KIF5C: variants seen among roughly 807,000 people sequenced by gnomAD.
KIF5C encodes the protein kinesin family member 5C, also known as kinesin heavy chain isoform 5C.
In KIF5C, 18 loss-of-function variants were observed where a neutral mutation model predicts 125.2. The ratio of observed to expected loss-of-function variants is 0.14; its 90% confidence interval spans 0.10 to 0.21. The LOEUF is 0.21. Ranked by LOEUF, KIF5C falls within the 10% of genes least tolerant of loss-of-function variation. The pLI is 1.00. For synonymous variants in KIF5C, 405 were observed against 434.0 expected, an observed-to-expected ratio of 0.93 and a Z score of 0.83; for missense variants, 780 against 1,183.8, an observed-to-expected ratio of 0.66 and a Z score of 5.01.
At chr2:148,907,192 C>A (rs1331954186) in intron 1 of KIF5C, among the ~76,000 whole-genome samples, 1 of 151,112 alleles carries the variant, frequency 6.6e-6, no homozygotes, top group African/African-American at 2.4e-5. Flanking sequence ...TCCTGTGAAG[C>A]TTCTTTAATT....
At chr2:148,969,422 A>AGTGTGT (rs151238332) in intron 11 of KIF5C, among the ~76,000 whole-genome samples, 18,323 of 141,178 alleles carry the variant, frequency 0.13, 1,300 homozygotes, top group Middle Eastern at 0.19. Context: ...GAAGGTTTCC[A>AGTGTGT]GTGTGTGTGT....
At chr2:148,990,913 C>T in intron 15 of KIF5C, 97 bp from the exon 16 acceptor site, 1 of 1,460,406 alleles carries the variant, frequency 6.8e-7, no homozygotes. Flanking sequence ...ACCAGAAATC[C>T]ATGGACACCT....
rs1220204237 is a variant in KIF5C, at chr2:149,000,481, A to G, written c.2269A>G (p.Lys757Glu). ...EKLSSDYNKL[K>E]IEDQEREMKL... ...GCTTAGTTCTGATTATAACAAGCTGAAAATAGAGGACCAAGAGAGAGAAAT... is the reference window on the plus strand; with the variant it reads ...GCTTAGTTCTGATTATAACAAGCTGGAAATAGAGGACCAAGAGAGAGAAAT... The change falls in exon 20 of 26, where the codon AAA becomes GAA. Residue 757 changes from lysine (K) to glutamate (E), a missense_variant. Around this residue, in one of 2 missense-constraint regions of KIF5C, gnomAD observed 573 missense variants for 742.6 expected, o/e 0.77. Transcript: ENST00000435030. 6.3e-7 allele frequency: 1 copy of G among 1,581,768 alleles called. No homozygotes were observed. Among genetic ancestry groups the G allele is most frequent in the Non-Finnish European group, 8.6e-7 (1 of 1,157,302 alleles).
intron 15 of KIF5C, among the ~76,000 whole-genome samples, chr2:148,986,732 A>G (rs903796178): frequency 6.6e-5 from 10 of 152,136 alleles, no homozygotes; most frequent in Non-Finnish European, 1.2e-4. Context: ...GGGATGGGGG[A>G]AAAATATGAC....
intron 1 of KIF5C, among the ~76,000 whole-genome samples, chr2:148,918,519 A>G (rs1443255910): frequency 6.6e-6 from 1 of 152,210 alleles, no homozygotes; most frequent in African/African-American, 2.4e-5. Context: ...GACCATGAAA[A>G]CTTTCAGGGA....
intron 1 of KIF5C, among the ~76,000 whole-genome samples, chr2:148,911,108 C>CA (rs1487258646): frequency 7.2e-5 from 11 of 152,112 alleles, no homozygotes; most frequent in Admixed American, 6.5e-4. Flanking sequence ...GTTTGGGACT[C>CA]AGAGTTCAGG....
At chr2:149,016,387 A>G (rs1257713002) in intron 25 of KIF5C, among the ~76,000 whole-genome samples, 2 of 152,120 alleles carry the variant, frequency 1.3e-5, no homozygotes, top group East Asian at 3.9e-4. Context: ...GTAGGTGGCC[A>G]TGGGGGAGGG....
intron 1 of KIF5C, among the ~76,000 whole-genome samples, chr2:148,913,608 A>G (rs772766638): frequency 6.6e-6 from 1 of 152,194 alleles, no homozygotes; most frequent in Non-Finnish European, 1.5e-5. Flanking sequence ...TTTTTTAACT[A>G]AAGGGAAGAG....
chr2:148,988,449 G>T (rs186561893), intron 15 of KIF5C, among the ~76,000 whole-genome samples: 1 of 152,144 alleles, frequency 6.6e-6, no homozygotes, highest in African/African-American at 2.4e-5. Context: ...ATTTACATGG[G>T]ATCTAGGCAT....
intron 1 of KIF5C, among the ~76,000 whole-genome samples, chr2:148,914,893 G>A (rs1369640420): frequency 6.6e-6 from 1 of 152,218 alleles, no homozygotes; most frequent in African/African-American, 2.4e-5. Flanking sequence ...CTGCTGACTG[G>A]AGATATCAGC....
chr2:148,876,393 C>T lies in KIF5C; in HGVS notation c.126+650C>T, dbSNP rs994339479. Among the ~76,000 whole-genome samples, 2 of 152,106 alleles carry T rather than the reference C, an allele frequency of 1.3e-5. No individual in the cohort carries two copies. Among genetic ancestry groups the T allele is most frequent in the Non-Finnish European group, 1.5e-5 (1 of 67,992 alleles). On this transcript the variant is annotated intron_variant, in intron 1 of 25. Transcript: ENST00000435030. The surrounding 1 kb of genome is among the most constrained non-coding windows in gnomAD (Gnocchi z 4.7). ...CCCGCTTCCTCTCACGCCTGGCTGC[C>T]CTGGATGTGGAGTCCCGGCTTGATC...
Position 149,005,432 on chromosome 2 carries a change from T to C in KIF5C, c.2413T>C (p.Phe805Leu), listed in dbSNP as rs747778664. The change falls in exon 22 of 26, where the codon TTT becomes CTT. Residue 805 changes from phenylalanine (F) to leucine (L), a missense_variant. Around this residue, in one of 2 missense-constraint regions of KIF5C, gnomAD observed 573 missense variants for 742.6 expected, o/e 0.77. Coordinates refer to ENST00000435030, the MANE Select transcript of KIF5C (RefSeq NM_004522.3). ...LQTLHNLRKL[F>L]VQDLTTRVKK... ...GACACTGCACAACCTTCGGAAACTC[T>C]TTGTCCAGGATCTGACCACCCGAGT... 3 of 1,613,790 alleles carry C rather than the reference T, an allele frequency of 1.9e-6. No individual in the cohort carries two copies. The highest frequency in any genetic ancestry group is 2.5e-6 in the Non-Finnish European group (3 of 1,179,872).
intron 1 of KIF5C, among the ~76,000 whole-genome samples, chr2:148,910,230 A>AT (rs1681278688): frequency 6.6e-6 from 1 of 152,252 alleles, no homozygotes; most frequent in South Asian, 2.1e-4. Context: ...TTAATAACAT[A>AT]TGTGCAATTT....
chr2:148,926,338 G>A (rs1681994529), intron 2 of KIF5C, among the ~76,000 whole-genome samples: 1 of 152,208 alleles, frequency 6.6e-6, no homozygotes, highest in African/African-American at 2.4e-5. Context: ...CCCGGGGTGC[G>A]GCGGGCTATG....
intron 3 of KIF5C, among the ~76,000 whole-genome samples, chr2:148,929,557 A>T (rs1375942393): frequency 6.6e-6 from 1 of 152,230 alleles, no homozygotes; most frequent in East Asian, 1.9e-4. Context: ...AAAGTACTTT[A>T]TTGATAACTT....
intron 17 of KIF5C, 51 bp downstream of exon 17, chr2:148,994,589 A>G: frequency 6.5e-7 from 1 of 1,532,354 alleles, no homozygotes; most frequent in Non-Finnish European, 8.8e-7. Context: ...TGAGTCAGAC[A>G]GCCTCTGGTT....
chr2:148,983,685 A>C lies in KIF5C; in HGVS notation c.1635A>C (p.Lys545Asn). 6.2e-7 allele frequency: 1 copy of C among 1,611,794 alleles called. No homozygotes were observed. ...AAGAGCTTAGCAACCACCAGAAGAA[A>C]AGGGCAACTGAGATCCTGAATTTGC... The part of the protein sequence containing the change: ...QLQELSNHQK[K>N]RATEILNLLL... Residue 545 changes from lysine (K) to asparagine (N), a missense_variant, in exon 15 of 26, where the codon AAA becomes AAC. This residue lies in a region of KIF5C where 573 missense variants were observed against 742.6 expected (regional missense o/e 0.77). Transcript: ENST00000435030.
Position 148,875,235 on chromosome 2 carries a change from C to G in KIF5C, c.-383C>G, listed in dbSNP as rs1454961927. On this transcript the variant is annotated 5_prime_UTR_variant, in exon 1 of 26. Coordinates refer to ENST00000435030, the MANE Select transcript of KIF5C (RefSeq NM_004522.3). ...GCGGGTCTCAAGGCGGCAGAGCGCGCTGGTGCTGATGCAGGATGGCTGAGC... is the reference window on the plus strand; with the variant it reads ...GCGGGTCTCAAGGCGGCAGAGCGCGGTGGTGCTGATGCAGGATGGCTGAGC... 5.7e-6 allele frequency: 1 copy of G among 176,982 alleles called. No individual in the cohort carries two copies. The highest frequency in any genetic ancestry group is 2.4e-5 in the African/African-American group (1 of 42,220). The allele number at this position is 176,982 out of a possible 1,614,324, so 11.0% of individuals were successfully genotyped here.
chr2:148,934,794 C>T lies in KIF5C; in HGVS notation c.292-2490C>T, dbSNP rs181917125. 5.3e-5 allele frequency among the ~76,000 whole-genome samples: 8 copies of T among 151,914 alleles called. No homozygotes were observed. In the South Asian group the frequency reaches 1.7e-3, roughly 32 times the overall value. On this transcript the variant is annotated intron_variant, in intron 3 of 25. Transcript: ENST00000435030. ...TATGTAATACTCCACATACATCACA[C>T]GCCCCCACACACGCAGACGTAGCCC...
Sources: gnomAD v4.1 joint callset for allele counts (sites outside exome capture counted in the v4.1 genomes callset) on GRCh38, gnomAD v4.1.1 for gene constraint, gnomAD v4.1.1 regional missense constraint, Gnocchi (gnomAD v3.1) non-coding constraint, MANE v1.5 for transcripts, NCBI Gene and HGNC (gene_info 2026-07-23, HGNC 2026-07-21) for gene names.